Variants in LMO7 observed in about 807,000 individuals in gnomAD.
LMO7 encodes LIM domain only protein 7.
In LMO7, 120 loss-of-function variants were observed where a neutral mutation model predicts 206.5. The observed-to-expected ratio is 0.58, with a 90% confidence interval of 0.50 to 0.68. The LOEUF (loss-of-function observed/expected upper bound fraction) is 0.68, where lower values mean the gene tolerates loss of function less well. LMO7 is among the 30% of genes least tolerant of loss of function. The pLI is 0.00. For missense variants in LMO7, 1,959 were observed against 1,957.9 expected, an observed-to-expected ratio of 1.00 and a Z score of -0.01; for synonymous variants, 706 against 681.5, an observed-to-expected ratio of 1.04 and a Z score of -0.56.
At chr13:75,819,897 T>C (rs1182033367) in intron 13 of LMO7, among the ~76,000 whole-genome samples, 2 of 152,230 alleles carry the variant, frequency 1.3e-5, no homozygotes, top group Non-Finnish European at 2.9e-5. Context: ...CAGCTCACTC[T>C]TTTAACTAAA....
intron 2 of LMO7, among the ~76,000 whole-genome samples, chr13:75,718,751 C>T (rs950334270): frequency 6.6e-6 from 1 of 152,098 alleles, no homozygotes; most frequent in Non-Finnish European, 1.5e-5. Flanking sequence ...TAGTATCATC[C>T]AGAATTGTTT....
chr13:75,691,572 G>A (rs1159835488), intron 1 of LMO7, among the ~76,000 whole-genome samples: 4 of 152,078 alleles, frequency 2.6e-5, no homozygotes, highest in Non-Finnish European at 1.5e-5. Flanking sequence ...GTTGTTCTAT[G>A]ATGAACACTC....
intron 1 of LMO7, among the ~76,000 whole-genome samples, chr13:75,664,413 T>C (rs1160440280): frequency 2.0e-5 from 3 of 152,212 alleles, no homozygotes; most frequent in Non-Finnish European, 4.4e-5. Flanking sequence ...CAATTTTTTT[T>C]ATCTGTTCAT....
intron 1 of LMO7, among the ~76,000 whole-genome samples, chr13:75,704,368 G>T (rs1281856955): frequency 1.3e-5 from 2 of 152,160 alleles, no homozygotes; most frequent in Non-Finnish European, 2.9e-5. Context: ...GAAATGATTG[G>T]TGTGATGATG....
chr13:75,838,875 C>T (rs1357155434), intron 20 of LMO7, among the ~76,000 whole-genome samples: 1 of 152,096 alleles, frequency 6.6e-6, no homozygotes. Context: ...ACATGAATGC[C>T]GTTCAAGCTC....
chr13:75,635,679 T>TC (rs1239067938), upstream of LMO7: 2 of 151,764 alleles, frequency 1.3e-5, no homozygotes, highest in Non-Finnish European at 2.9e-5. Context: ...GGACCCTCCT[T>TC]CCACCGCACC....
At chr13:75,725,162 G>C (rs949149996) in intron 2 of LMO7, among the ~76,000 whole-genome samples, 1 of 151,906 alleles carries the variant, frequency 6.6e-6, no homozygotes, top group Non-Finnish European at 1.5e-5. Flanking sequence ...TTTTTTAAAT[G>C]TACTTTCTCT....
At chr13:75,826,962 A>G (rs535128863) in intron 15 of LMO7, among the ~76,000 whole-genome samples, 6 of 152,162 alleles carry the variant, frequency 3.9e-5, no homozygotes, top group Admixed American at 1.3e-4. Flanking sequence ...TATTTCCCAC[A>G]TCTCTGCCTT....
intron 26 of LMO7, among the ~76,000 whole-genome samples, chr13:75,847,269 A>G (rs1175473960): frequency 6.6e-6 from 1 of 152,220 alleles, no homozygotes; most frequent in East Asian, 1.9e-4. Context: ...GGTGGGAATG[A>G]TACGTCAAAG....
chr13:75,807,631 G>A lies in LMO7; in HGVS notation c.1348G>A (p.Glu450Lys), dbSNP rs534047308. Residue 450 changes from glutamate to lysine, a missense_variant, in exon 10 of 31, where the codon GAG (glutamate) becomes AAG (lysine). Physicochemically the swap from Glu to Lys is moderately conservative, Grantham distance 56 (BLOSUM62 1). Coordinates refer to ENST00000377534, the MANE Select transcript of LMO7 (RefSeq NM_001306080.2). ...ACCAGGCTATAGAAGAGATGACCTCGAGATGGCAGCCCTGGATCCTGACTT... is the reference window on the plus strand; with the variant it reads ...ACCAGGCTATAGAAGAGATGACCTCAAGATGGCAGCCCTGGATCCTGACTT... ...YAPGYRRDDL[E>K]MAALDPDLEN... is the part of the protein sequence containing the mutation. 6.2e-7 allele frequency: 1 copy of A among 1,613,980 alleles called. No homozygotes were observed. The highest frequency in any genetic ancestry group is 1.3e-5 in the African/African-American group (1 of 75,052).
At chr13:75,826,783 A>C (rs1358227274) in intron 15 of LMO7, among the ~76,000 whole-genome samples, 1 of 152,174 alleles carries the variant, frequency 6.6e-6, no homozygotes, top group Admixed American at 6.5e-5. Flanking sequence ...TACCAAGTGG[A>C]GTCAGGATTT....
Position 75,709,247 on chromosome 13 carries a change from G to T in LMO7, c.70-3935G>T, listed in dbSNP as rs575440735. 1.9e-3 allele frequency among the ~76,000 whole-genome samples: 288 copies of T among 152,250 alleles called. 1 individual carries two copies. The highest frequency in any genetic ancestry group is 1.7e-3 in the Non-Finnish European group (115 of 68,024). Reference sequence around the variant, plus strand: ...AGTCTTTGTTATTGTGAAAAGTGCCGCAATAAACATACGTGTGCATGTGTC... The same window carrying T: ...AGTCTTTGTTATTGTGAAAAGTGCCTCAATAAACATACGTGTGCATGTGTC... On this transcript the variant is annotated intron_variant, in intron 1 of 30. Coordinates refer to ENST00000377534, the MANE Select transcript of LMO7 (RefSeq NM_001306080.2).
intron 4 of LMO7, among the ~76,000 whole-genome samples, chr13:75,782,331 G>A (rs1023669373): frequency 6.6e-6 from 1 of 152,182 alleles, no homozygotes; most frequent in African/African-American, 2.4e-5. Flanking sequence ...CTCATATGCT[G>A]TGAATAGACT....
intron 1 of LMO7, among the ~76,000 whole-genome samples, chr13:75,658,008 A>G (rs997422451): frequency 1.3e-5 from 2 of 150,112 alleles, no homozygotes; most frequent in African/African-American, 2.4e-5. Context: ...TTTGGATTTT[A>G]TGTTTGTGTG....
intron 1 of LMO7, among the ~76,000 whole-genome samples, chr13:75,660,730 A>G (rs1028438914): frequency 2.6e-5 from 4 of 152,088 alleles, no homozygotes; most frequent in African/African-American, 9.7e-5. Context: ...TGTGCTGTCT[A>G]TGAGTAGAAG....
intron 15 of LMO7, among the ~76,000 whole-genome samples, chr13:75,826,936 C>T (rs1269308805): frequency 6.6e-6 from 1 of 152,090 alleles, no homozygotes; most frequent in Non-Finnish European, 1.5e-5. Flanking sequence ...TCACTGCTCC[C>T]CCATTTGAAG....
At chr13:75,843,785 G>A (rs1415939565) in intron 25 of LMO7, among the ~76,000 whole-genome samples, 1 of 152,020 alleles carries the variant, frequency 6.6e-6, no homozygotes, top group Non-Finnish European at 1.5e-5. Flanking sequence ...TTGAGGGTAG[G>A]GCCATTACCT....
In LMO7 at chr13:75,690,098, T is replaced by C. The variant is rs2041337940; in HGVS notation, c.70-23084T>C. On this transcript the variant is annotated intron_variant, in intron 1 of 30. Transcript: ENST00000377534. ...TTTTCTTAAACAGTTCTACTTATTT[T>C]TATTTTTATTTTACTTTTAGAGATG... 5.3e-5 allele frequency among the ~76,000 whole-genome samples: 8 copies of C among 151,948 alleles called. No individual in the cohort carries two copies. In the South Asian group the frequency reaches 1.7e-3, roughly 32 times the overall value.
intron 4 of LMO7, among the ~76,000 whole-genome samples, chr13:75,775,385 G>A (rs920204771): frequency 6.6e-6 from 1 of 152,012 alleles, no homozygotes; most frequent in African/African-American, 2.4e-5. Flanking sequence ...AACTCTTCTG[G>A]ACATTGGTCC....
Sources: allele counts gnomAD v4.1 joint callset (sites outside exome capture counted in the v4.1 genomes callset), GRCh38; gene constraint gnomAD v4.1.1; transcripts MANE v1.5; gene names NCBI Gene and HGNC (gene_info 2026-07-23, HGNC 2026-07-21).